Variants in RBFOX1 observed in about 807,000 individuals in gnomAD.
The protein encoded by RBFOX1 is RNA binding fox-1 homolog 1, also known as RNA binding protein fox-1 homolog 1.
RBFOX1 carries 8 observed loss-of-function variants against 57.7 expected under a neutral mutation model. The ratio of observed to expected loss-of-function variants is 0.14; its 90% CI spans 0.08 to 0.25. The LOEUF is 0.25. Among genes scored for constraint, RBFOX1 ranks in the 10% least tolerant of loss-of-function variants. RBFOX1 has a pLI of 1.00. For synonymous variants in RBFOX1, 326 were observed against 222.4 expected, an observed-to-expected ratio of 1.47 and a Z score of -4.15; for missense variants, 611 against 548.5, an observed-to-expected ratio of 1.11 and a Z score of -1.14.
chr16:7,243,417 G>A (rs1353111109), intron 4 of RBFOX1, among the ~76,000 whole-genome samples: 1 of 152,194 alleles, frequency 6.6e-6, no homozygotes, highest in South Asian at 2.1e-4. Context: ...AGATGTGGAA[G>A]AAAGGCATAT....
chr16:6,614,947 C>G (rs919748954), intron 2 of RBFOX1, among the ~76,000 whole-genome samples: 21 of 152,176 alleles, frequency 1.4e-4, no homozygotes, highest in African/African-American at 4.1e-4. Flanking sequence ...CTAACAGACA[C>G]TTTAAAAATA....
intron 3 of RBFOX1, among the ~76,000 whole-genome samples, chr16:6,784,068 CT>C (rs1191305739): frequency 6.6e-6 from 1 of 152,068 alleles, no homozygotes; most frequent in Non-Finnish European, 1.5e-5. Flanking sequence ...TTAGGGTCCT[CT>C]TTTTGTCCTT....
chr16:7,673,618 C>G (rs918765483), intron 13 of RBFOX1, among the ~76,000 whole-genome samples: 27 of 152,284 alleles, frequency 1.8e-4, no homozygotes, highest in East Asian at 9.7e-4. Flanking sequence ...CAAAGGACCT[C>G]TAGAGGTTTT....
chr16:7,006,218 G>A (rs780030736), intron 3 of RBFOX1, among the ~76,000 whole-genome samples: 5 of 151,988 alleles, frequency 3.3e-5, no homozygotes, highest in African/African-American at 4.8e-5. Context: ...GCAGTGGCAC[G>A]ATCTCGGTTC....
intron 4 of RBFOX1, among the ~76,000 whole-genome samples, chr16:7,186,625 T>C (rs1353436087): frequency 7.2e-6 from 1 of 138,506 alleles, no homozygotes; most frequent in African/African-American, 2.6e-5. Context: ...AACATATTTA[T>C]ATAAATATAA....
chr16:5,675,178 C>T (rs1001013422), intron 3 of RBFOX1, among the ~76,000 whole-genome samples: 16 of 151,988 alleles, frequency 1.1e-4, no homozygotes, highest in African/African-American at 3.4e-4. Context: ...TATGAATATA[C>T]ACTGTATATA....
In RBFOX1 at chr16:5,987,394, T is replaced by A. The variant is rs2060304755; in HGVS notation, c.351+120059T>A. ...GCAAAGGTTTTTAGTCTTGATGAAGTCCAATTTATGAATTTTTAAAAATGG... is the reference window on the plus strand; with the variant it reads ...GCAAAGGTTTTTAGTCTTGATGAAGACCAATTTATGAATTTTTAAAAATGG... On this transcript the variant is annotated intron_variant, in intron 4 of 19. Transcript: ENST00000641259. Among the ~76,000 whole-genome samples the A allele has an allele frequency of 2.6e-5, 4 of 152,232 alleles. No homozygotes were observed. In the South Asian group the frequency reaches 8.3e-4, roughly 32 times the overall value.
chr16:6,247,968 C>T (rs1199704509), intron 1 of RBFOX1, among the ~76,000 whole-genome samples: 1 of 152,158 alleles, frequency 6.6e-6, no homozygotes, highest in Non-Finnish European at 1.5e-5. Flanking sequence ...GGACATCCAT[C>T]CCTTTGTGTT....
intron 4 of RBFOX1, among the ~76,000 whole-genome samples, chr16:7,366,556 G>A (rs1318896487): frequency 6.6e-6 from 1 of 152,168 alleles, no homozygotes; most frequent in Non-Finnish European, 1.5e-5. Context: ...AACCATGGAG[G>A]CTGCCTTAGT....
chr16:7,036,970 A>G, intron 3 of RBFOX1, among the ~76,000 whole-genome samples: 1 of 152,076 alleles, frequency 6.6e-6, no homozygotes, highest in Middle Eastern at 3.2e-3. Flanking sequence ...TTTTTAGATC[A>G]TACAGGGTAA....
chr16:6,133,348 C>T (rs573358587), intron 1 of RBFOX1, among the ~76,000 whole-genome samples: 1 of 152,246 alleles, frequency 6.6e-6, no homozygotes, highest in East Asian at 1.9e-4. Context: ...GCAGAGCCTG[C>T]GTTCTTCATT....
intron 3 of RBFOX1, among the ~76,000 whole-genome samples, chr16:5,683,767 A>G (rs936228310): frequency 1.3e-5 from 2 of 148,224 alleles, no homozygotes; most frequent in African/African-American, 4.9e-5. Flanking sequence ...AATATATAAT[A>G]TATATACTGT....
rs1166155732 is a variant in RBFOX1, at chr16:5,999,899, A to T, written c.351+132564A>T. Reference sequence around the variant, plus strand: ...AAAAAAAAAAAAAAAAAAAAAAAAAAAAAAAAAAGAGTGAAGAAGGGAAAT... The same window carrying T: ...AAAAAAAAAAAAAAAAAAAAAAAAATAAAAAAAAGAGTGAAGAAGGGAAAT... On this transcript the variant is annotated intron_variant, in intron 4 of 19. Transcript: ENST00000641259. 1.6e-4 allele frequency among the ~76,000 whole-genome samples: 8 copies of T among 51,012 alleles called. 3 individuals carry two copies. Among genetic ancestry groups the T allele is most frequent in the Non-Finnish European group, 2.2e-4 (5 of 22,428 alleles). 33.5% of individuals were successfully genotyped at this position (51,012 alleles called of 152,430 possible).
At chr16:7,599,248 T>C (rs889364456) in intron 9 of RBFOX1, among the ~76,000 whole-genome samples, 1 of 152,246 alleles carries the variant, frequency 6.6e-6, no homozygotes, top group Non-Finnish European at 1.5e-5. Flanking sequence ...GACATCAACC[T>C]GACGGTTGGG....
intron 4 of RBFOX1, among the ~76,000 whole-genome samples, chr16:7,239,405 A>T (rs2093942959): frequency 6.6e-6 from 1 of 152,174 alleles, no homozygotes; most frequent in Non-Finnish European, 1.5e-5. Flanking sequence ...AGTCTAAGGC[A>T]CCAGAATTGC....
At chr16:6,089,057 C>G (rs2096130571) in intron 1 of RBFOX1, among the ~76,000 whole-genome samples, 1 of 123,274 alleles carries the variant, frequency 8.1e-6, no homozygotes, top group Non-Finnish European at 1.7e-5. Flanking sequence ...CAGAGTGAAA[C>G]TCTGTCTCAA....
Position 6,744,646 on chromosome 16 carries a change from C to A in RBFOX1, c.-16+89996C>A, listed in dbSNP as rs562930531. 1.7e-4 allele frequency among the ~76,000 whole-genome samples: 26 copies of A among 151,974 alleles called. No individual in the cohort carries two copies. In the East Asian group the frequency reaches 4.1e-3, roughly 24 times the overall value. On this transcript the variant is annotated intron_variant, in intron 3 of 15. Transcript: ENST00000550418. ...AAGTCAAAATAAACAGTGACCTGAACAAAAATATACATAAGACATATCAGA... is the reference window on the plus strand; with the variant it reads ...AAGTCAAAATAAACAGTGACCTGAAAAAAAATATACATAAGACATATCAGA...
intron 3 of RBFOX1, among the ~76,000 whole-genome samples, chr16:6,962,100 A>G (rs182589215): frequency 2.0e-5 from 3 of 152,202 alleles, no homozygotes; most frequent in African/African-American, 7.2e-5. Context: ...AAATCCAAAA[A>G]TCAGGCTGTA....
intron 4 of RBFOX1, among the ~76,000 whole-genome samples, chr16:7,193,083 A>T (rs1374495893): frequency 8.5e-5 from 13 of 152,220 alleles, no homozygotes; most frequent in African/African-American, 2.7e-4. Context: ...AAGGAAAATT[A>T]AGATTACATG....
Sources: allele counts gnomAD v4.1 joint callset (sites outside exome capture counted in the v4.1 genomes callset), GRCh38; gene constraint gnomAD v4.1.1; transcripts MANE v1.5; gene names NCBI Gene and HGNC (gene_info 2026-07-23, HGNC 2026-07-21).